Variants in XPOT observed in about 807,000 individuals in gnomAD.
XPOT encodes the protein exportin for tRNA, also known as exportin-T.
In XPOT, 34 loss-of-function variants were observed where a neutral mutation model predicts 128.2. That is an observed-to-expected ratio of 0.27 (90% confidence interval 0.20 to 0.35). XPOT has a LOEUF of 0.35. XPOT is among the 10% of genes least tolerant of loss of function. The pLI is 1.00. For synonymous variants in XPOT, 348 were observed against 394.3 expected (o/e 0.88, Z 1.39); for missense variants, 838 against 1,125.3 (o/e 0.74, Z 3.65).
At position 64,418,042 on chromosome 12, in the gene XPOT, A is replaced by G; in HGVS notation, c.201-4A>G. On this transcript the variant is annotated splice_region_variant and splice_polypyrimidine_tract_variant and intron_variant, in intron 4 of 24. Coordinates refer to ENST00000332707, the MANE Select transcript of XPOT (RefSeq NM_007235.6). ...TTATTCTTTTTCTTCTCTATTTTGA[A>G]CAGATACTCAGAACTAACCACTGTT... 1 of 1,609,620 alleles carries G rather than the reference A, an allele frequency of 6.2e-7. No individual in the cohort carries two copies. Among genetic ancestry groups the G allele is most frequent in the African/African-American group, 1.3e-5 (1 of 74,890 alleles).
At chr12:64,440,925 T>C (rs986954670) in intron 23 of XPOT, among the ~76,000 whole-genome samples, 1 of 152,214 alleles carries the variant, frequency 6.6e-6, no homozygotes, top group Non-Finnish European at 1.5e-5. Flanking sequence ...TTCTGCTCTG[T>C]TGATTGCTTA....
intron 1 of XPOT, among the ~76,000 whole-genome samples, chr12:64,408,466 A>C (rs2040003236): frequency 6.6e-6 from 1 of 152,186 alleles, no homozygotes; most frequent in South Asian, 2.1e-4. Context: ...AGGTCTTGAG[A>C]GAATAATATC....
At chr12:64,408,359 C>T (rs1446076842) in intron 1 of XPOT, among the ~76,000 whole-genome samples, 1 of 152,156 alleles carries the variant, frequency 6.6e-6, no homozygotes, top group African/African-American at 2.4e-5. Flanking sequence ...CCACCTGCCT[C>T]GGCCTCCCAA....
Position 64,431,828 on chromosome 12 carries a change from C to T in XPOT, c.2262+5C>T, listed in dbSNP as rs748491175. On this transcript the variant is annotated splice_donor_5th_base_variant and intron_variant, in intron 18 of 24. Coordinates refer to ENST00000332707, the MANE Select transcript of XPOT (RefSeq NM_007235.6). ...CAGATTACGGCCAAATTCAAGGTAC[C>T]GCAAACTTTCAGAGCTCTGAAAATC... 29 of 1,607,542 alleles carry T rather than the reference C, an allele frequency of 1.8e-5. No homozygotes were observed. Among genetic ancestry groups the T allele is most frequent in the Middle Eastern group, 1.7e-4 (1 of 6,034 alleles).
chr12:64,442,043 C>T (rs1362533434), intron 23 of XPOT, among the ~76,000 whole-genome samples: 3 of 151,966 alleles, frequency 2.0e-5, no homozygotes, highest in African/African-American at 7.3e-5. Flanking sequence ...GTTTTATATA[C>T]TCTTTCCCCT....
chr12:64,418,180 T>C (rs1385598243), intron 5 of XPOT, 65 bp downstream of exon 5: 16 of 1,384,026 alleles, frequency 1.2e-5, no homozygotes, highest in East Asian at 1.2e-4. Flanking sequence ...TTTGCAAGAG[T>C]TTGGAACTTT....
At chr12:64,412,894 G>A (rs1402831166) in intron 2 of XPOT, among the ~76,000 whole-genome samples, 2 of 152,172 alleles carry the variant, frequency 1.3e-5, no homozygotes, top group Non-Finnish European at 1.5e-5. Flanking sequence ...CAGCCACATG[G>A]AAGCGATGCA....
At chr12:64,414,522 C>T (rs1294284017) in intron 2 of XPOT, among the ~76,000 whole-genome samples, 1 of 152,140 alleles carries the variant, frequency 6.6e-6, no homozygotes, top group African/African-American at 2.4e-5. Flanking sequence ...GTGCCCTTCA[C>T]GTGCCATTTT....
At chr12:64,435,577 C>T in intron 21 of XPOT, 50 bp from the exon 22 acceptor site, 1 of 1,501,058 alleles carries the variant, frequency 6.7e-7, no homozygotes, top group Non-Finnish European at 9.0e-7. Context: ...AGAGCTGGAT[C>T]ACTAAACAAG....
intron 20 of XPOT, 54 bp from the exon 21 acceptor site, chr12:64,434,740 G>T: frequency 6.4e-7 from 1 of 1,573,794 alleles, no homozygotes; most frequent in Non-Finnish European, 8.7e-7. Flanking sequence ...CCCTGGTGAT[G>T]AATTAATTGA....
At chr12:64,415,484 C>T (rs1348425663) in intron 3 of XPOT, among the ~76,000 whole-genome samples, 1 of 152,028 alleles carries the variant, frequency 6.6e-6, no homozygotes, top group Non-Finnish European at 1.5e-5. Flanking sequence ...TTGCCATTCT[C>T]CTGCCTCAGC....
intron 19 of XPOT, among the ~76,000 whole-genome samples, chr12:64,434,051 T>C (rs1688280410): frequency 6.6e-6 from 1 of 152,232 alleles, no homozygotes; most frequent in Non-Finnish European, 1.5e-5. Context: ...GGTCTCACTC[T>C]CTTGCCCAGG....
intron 2 of XPOT, among the ~76,000 whole-genome samples, chr12:64,413,143 T>C (rs560896948): frequency 1.1e-4 from 17 of 152,314 alleles, no homozygotes; most frequent in Non-Finnish European, 1.9e-4. Context: ...CCTGAGGCTG[T>C]CTAGTGTTCC....
chr12:64,436,106 G>A (rs957328806), intron 22 of XPOT, among the ~76,000 whole-genome samples: 68 of 152,056 alleles, frequency 4.5e-4, no homozygotes, highest in African/African-American at 1.5e-3. Flanking sequence ...ACAGGCACCC[G>A]CCACCATGCC....
At chr12:64,420,298 A>G in intron 7 of XPOT, 44 bp downstream of exon 7, 1 of 1,593,800 alleles carries the variant, frequency 6.3e-7, no homozygotes, top group Non-Finnish European at 8.5e-7. Flanking sequence ...TGTAAAATAC[A>G]GTATCTAAAA....
intron 2 of XPOT, among the ~76,000 whole-genome samples, chr12:64,411,845 A>T (rs150539733): frequency 5.9e-4 from 90 of 152,328 alleles, no homozygotes; most frequent in African/African-American, 2.0e-3. Flanking sequence ...TCAGTCAACC[A>T]TTAGAAAAAA....
rs2040154459 is a variant in XPOT at position 64,423,047 on chromosome 12, A to G, written c.1119+4A>G. 1.2e-6 allele frequency: 2 copies of G among 1,613,238 alleles called. No homozygotes were observed. The highest frequency in any genetic ancestry group is 1.7e-6 in the Non-Finnish European group (2 of 1,179,836). ...TCAGCAAAAAGCTAATGTAGAGGTA[A>G]TTGACTTTATGCTTCTTTTAAACCA... On this transcript the variant is annotated splice_donor_region_variant and intron_variant, in intron 10 of 24. Transcript: ENST00000332707.
At chr12:64,448,043 TCTTCAGG>T in intron 24 of XPOT, 55 bp from the exon 25 acceptor site, 1 of 1,461,112 alleles carries the variant, frequency 6.8e-7, no homozygotes, top group Admixed American at 1.7e-5. Context: ...TTGGAGCCAT[TCTTCAGG>T]TGAAAGTGAT....
intron 15 of XPOT, 45 bp downstream of exon 15, chr12:64,425,954 T>G (rs765644856): frequency 1.3e-6 from 2 of 1,529,046 alleles, no homozygotes; most frequent in Admixed American, 3.3e-5. Flanking sequence ...TTTTTTAAGT[T>G]ACTGGATAGA....
Sources: allele counts gnomAD v4.1 joint callset (sites outside exome capture counted in the v4.1 genomes callset), GRCh38; gene constraint gnomAD v4.1.1; transcripts MANE v1.5; gene names NCBI Gene and HGNC (gene_info 2026-07-23, HGNC 2026-07-21).